The following HTR1F variants were observed in gnomAD, a reference collection of about 807,000 sequenced individuals.
HTR1F encodes 5-hydroxytryptamine (serotonin) receptor 1F, G protein-coupled.
HTR1F carries 17 observed loss-of-function variants against 24.0 expected under a neutral mutation model. The ratio of observed to expected loss-of-function variants is 0.71; its 90% CI spans 0.48 to 1.06. The LOEUF is 1.06. Ranked by LOEUF, HTR1F falls within the 50% of genes least tolerant of loss-of-function variation. The probability of loss-of-function intolerance (pLI) is 0.00; values close to 1 mark genes in which losing one functional copy is unlikely to be tolerated. For missense variants in HTR1F, 391 were observed against 427.8 expected, an observed-to-expected ratio of 0.91 and a Z score of 0.76; for synonymous variants, 186 against 156.8, an observed-to-expected ratio of 1.19 and a Z score of -1.39.
intron 2 of HTR1F, among the ~76,000 whole-genome samples, chr3:87,881,714 A>G (rs1177980645): frequency 1.3e-5 from 2 of 152,204 alleles, no homozygotes; most frequent in Non-Finnish European, 2.9e-5. Flanking sequence ...TCAATTCAAG[A>G]TGGATTAAAG....
At chr3:87,862,020 A>G (rs1289234654) in intron 2 of HTR1F, among the ~76,000 whole-genome samples, 2 of 152,146 alleles carry the variant, frequency 1.3e-5, no homozygotes, top group Admixed American at 1.3e-4. Context: ...ACTTTTCTCT[A>G]AGCAATTATT....
intron 2 of HTR1F, among the ~76,000 whole-genome samples, chr3:87,903,236 C>T (rs1168801331): frequency 6.7e-6 from 1 of 150,028 alleles, no homozygotes; most frequent in African/African-American, 2.4e-5. Flanking sequence ...ATGTCTAAAA[C>T]ACCAAAAGCA....
At chr3:87,821,433 A>G (rs1704357970) in intron 1 of HTR1F, among the ~76,000 whole-genome samples, 1 of 152,104 alleles carries the variant, frequency 6.6e-6, no homozygotes, top group Admixed American at 6.5e-5. Flanking sequence ...ATGATACCCT[A>G]CTTTTAATCC....
chr3:87,991,978 T>A lies in HTR1F; in HGVS notation c.*128T>A. 1.4e-6 allele frequency: 1 copy of A among 697,954 alleles called. No homozygotes were observed. Among genetic ancestry groups the A allele is most frequent in the Non-Finnish European group, 2.3e-6 (1 of 438,922 alleles). 43.2% of individuals were successfully genotyped at this position (697,954 alleles called of 1,614,324 possible). A position where few individuals can be genotyped will look rare whatever the true frequency, so the allele number is the denominator to read the frequency against. ...GAAAACTGCTAAATTGATAAGGCTA[T>A]AATTTATATTTTAATAGCAATGTGA... On this transcript the variant is annotated 3_prime_UTR_variant, in exon 3 of 3. Coordinates refer to ENST00000319595, the MANE Select transcript of HTR1F (RefSeq NM_001322209.2).
intron 2 of HTR1F, among the ~76,000 whole-genome samples, chr3:87,894,337 A>T (rs1575998304): frequency 6.6e-6 from 1 of 151,800 alleles, no homozygotes; most frequent in South Asian, 2.1e-4. Context: ...GCTCACTGCA[A>T]CCTCTGCCTA....
In HTR1F at chr3:87,934,303, T is replaced by C. The variant is rs550633299; in HGVS notation, c.-42-56405T>C. Among the ~76,000 whole-genome samples, 10 of 152,344 alleles carry C rather than the reference T, an allele frequency of 6.6e-5. No individual in the cohort carries two copies. The East Asian group carries it at 1.3e-3, about 21-fold the overall frequency. ...CCAAGCACTGTGCAAAGTTGTAGCA[T>C]ACACTGTTGGTGTTCCACCTTAATC... On this transcript the variant is annotated intron_variant, in intron 2 of 2. Transcript: ENST00000319595.
intron 2 of HTR1F, among the ~76,000 whole-genome samples, chr3:87,850,827 A>C (rs1425987334): frequency 1.3e-5 from 2 of 151,286 alleles, no homozygotes; most frequent in Non-Finnish European, 2.9e-5. Flanking sequence ...AAAAAAAAAA[A>C]CCTAGGGAAA....
chr3:87,893,397 A>AAT lies in HTR1F; in HGVS notation c.-43+71278_-43+71279dup, dbSNP rs573005897. On this transcript the variant is annotated intron_variant, in intron 2 of 2. Coordinates refer to ENST00000319595, the MANE Select transcript of HTR1F (RefSeq NM_001322209.2). ...CTTAATTTACAATGCTAAATTGAGCAATATATTAATTAATTTTTTAAAAAA... is the reference window on the plus strand; with the variant it reads ...CTTAATTTACAATGCTAAATTGAGCAATATATATTAATTAATTTTTTAAAAAA... Among the ~76,000 whole-genome samples the AAT allele has an allele frequency of 5.3e-5, 8 of 152,324 alleles. No homozygotes were observed. The South Asian group carries it at 1.4e-3, about 28-fold the overall frequency.
At chr3:87,932,004 C>G (rs1186298022) in intron 2 of HTR1F, among the ~76,000 whole-genome samples, 1 of 152,130 alleles carries the variant, frequency 6.6e-6, no homozygotes, top group Non-Finnish European at 1.5e-5. Context: ...TGCCTGTTCA[C>G]TCTGATGGTA....
intron 2 of HTR1F, among the ~76,000 whole-genome samples, chr3:87,843,664 T>G (rs1276079782): frequency 8.2e-6 from 1 of 121,948 alleles, no homozygotes; most frequent in African/African-American, 5.0e-5. Flanking sequence ...TATCTCCCAG[T>G]GCTATCCCTC....
rs1421514774 is a variant in HTR1F at position 87,904,222 on chromosome 3, C to CA, written c.-43+82100dup. Among the ~76,000 whole-genome samples the CA allele has an allele frequency of 2.0e-5, 3 of 152,180 alleles. No homozygotes were observed. In the East Asian group the frequency reaches 5.8e-4, roughly 29 times the overall value. ...CTAAAATTTAGGAGGCTGACAGTTC[C>CA]AAGTGTTTGTGACAATGACAAGGAA... On this transcript the variant is annotated intron_variant, in intron 2 of 2. Coordinates refer to ENST00000319595, the MANE Select transcript of HTR1F (RefSeq NM_001322209.2).
intron 2 of HTR1F, among the ~76,000 whole-genome samples, chr3:87,901,427 T>G (rs1706320602): frequency 6.6e-6 from 1 of 152,066 alleles, no homozygotes; most frequent in Admixed American, 6.6e-5. Flanking sequence ...GAGAGAGCTC[T>G]TAGAAGAAAT....
intron 1 of HTR1F, among the ~76,000 whole-genome samples, chr3:87,807,037 T>C (rs2107085487): frequency 6.6e-6 from 1 of 152,106 alleles, no homozygotes; most frequent in South Asian, 2.1e-4. Flanking sequence ...CATAGCCTTG[T>C]AATATATTGA....
chr3:87,856,649 A>C (rs994355530), intron 2 of HTR1F, among the ~76,000 whole-genome samples: 2 of 152,158 alleles, frequency 1.3e-5, no homozygotes, highest in Non-Finnish European at 2.9e-5. Context: ...AGGAAGACAA[A>C]CCTTCAGTTA....
intron 2 of HTR1F, among the ~76,000 whole-genome samples, chr3:87,920,564 C>A (rs1473966691): frequency 1.3e-5 from 2 of 151,696 alleles, no homozygotes; most frequent in Non-Finnish European, 1.5e-5. Flanking sequence ...AGTAAGGTAG[C>A]TTTTGAGGGG....
chr3:87,942,184 G>C (rs1327221411), intron 2 of HTR1F, among the ~76,000 whole-genome samples: 2 of 152,090 alleles, frequency 1.3e-5, no homozygotes, highest in Non-Finnish European at 1.5e-5. Flanking sequence ...TTGCTAGAAT[G>C]CCTCTCCCTA....
intron 2 of HTR1F, among the ~76,000 whole-genome samples, chr3:87,849,742 G>T (rs1392972083): frequency 6.6e-6 from 1 of 151,744 alleles, no homozygotes; most frequent in Non-Finnish European, 1.5e-5. Context: ...AATCTACAAT[G>T]AACTCAAACA....
intron 2 of HTR1F, among the ~76,000 whole-genome samples, chr3:87,882,900 C>T (rs760963306): frequency 6.6e-6 from 1 of 152,156 alleles, no homozygotes; most frequent in Non-Finnish European, 1.5e-5. Flanking sequence ...CAGCAGACAA[C>T]TTCTGCAGAC....
intron 2 of HTR1F, among the ~76,000 whole-genome samples, chr3:87,891,707 A>G (rs1337484544): frequency 4.6e-5 from 7 of 152,204 alleles, no homozygotes; most frequent in African/African-American, 1.7e-4. Context: ...AGTGATTGAT[A>G]CTTCGTTGTT....
Sources: gnomAD v4.1 joint callset for allele counts (sites outside exome capture counted in the v4.1 genomes callset) on GRCh38, gnomAD v4.1.1 for gene constraint, MANE v1.5 for transcripts, NCBI Gene and HGNC (gene_info 2026-07-23, HGNC 2026-07-21) for gene names.